The following DPM1 variants were observed in gnomAD, a reference collection of about 807,000 sequenced individuals.
The protein encoded by DPM1 is dolichyl-phosphate mannosyltransferase subunit 1, catalytic, also known as dolichol-phosphate mannosyltransferase subunit 1.
Under a neutral mutation model 39.0 loss-of-function variants are expected in DPM1, and 27 were observed. The ratio of observed to expected loss-of-function variants is 0.69; its 90% CI spans 0.51 to 0.95. The LOEUF (loss-of-function observed/expected upper bound fraction) is 0.95, where lower values mean the gene tolerates loss of function less well. DPM1 is among the 40% of genes least tolerant of loss of function. The pLI is 0.00. For synonymous variants in DPM1, 124 were observed against 109.0 expected, an observed-to-expected ratio of 1.14 and a Z score of -0.86; for missense variants, 307 against 315.6, an observed-to-expected ratio of 0.97 and a Z score of 0.21.
In DPM1 at chr20:50,940,888, T is replaced by C; in HGVS notation, c.540A>G (p.Ala180=). The part of the protein sequence containing the change: ...FLTQILLRPG[A]SDLTGSFRLY... ...ACCTGAAACTTCCTGTTAAATCAGATGCTCCTGGTCTCAGCAAGATCTGAG... is the reference window on the plus strand; with the variant it reads ...ACCTGAAACTTCCTGTTAAATCAGACGCTCCTGGTCTCAGCAAGATCTGAG... Residue 180 remains alanine, a synonymous_variant, in exon 7 of 9, where the codon GCA becomes GCG. Transcript: ENST00000371588. 4 of 1,614,040 alleles carry C rather than the reference T, an allele frequency of 2.5e-6. No individual in the cohort carries two copies. Among genetic ancestry groups the C allele is most frequent in the Non-Finnish European group, 1.7e-6 (2 of 1,179,964 alleles).
intron 5 of DPM1, 91 bp from the exon 6 acceptor site, chr20:50,942,217 G>C: frequency 1.7e-6 from 2 of 1,169,380 alleles, no homozygotes; most frequent in South Asian, 2.4e-5. Context: ...TTTAAGAGAA[G>C]TCGACACAGG....
At chr20:50,951,066 A>G (rs928688997) in intron 2 of DPM1, among the ~76,000 whole-genome samples, 2 of 152,226 alleles carry the variant, frequency 1.3e-5, no homozygotes, top group Admixed American at 6.5e-5. Context: ...AGAGATTAAC[A>G]ATACCCAATA....
rs2294903 is a variant in DPM1, at chr20:50,936,414, A to G, written c.564-152T>C. ...AGCTCGCACACTTGATGATTATGAT[A>G]CATTTGTCCTAAGCAAGAAAGGCCA... On this transcript the variant is annotated intron_variant, in intron 7 of 8. Transcript: ENST00000371588. 1,492 of 580,556 alleles carry G rather than the reference A, an allele frequency of 2.6e-3. 24 individuals are homozygous for G. In the Admixed American group the frequency reaches 0.031, roughly 12 times the overall value. The allele number at this position is 580,556 out of a possible 1,614,324, so 36.0% of individuals were successfully genotyped here. A position where few individuals can be genotyped will look rare whatever the true frequency, so the allele number is the denominator to read the frequency against.
intron 3 of DPM1, among the ~76,000 whole-genome samples, chr20:50,947,363 T>C (rs1986349274): frequency 6.6e-6 from 1 of 152,244 alleles, no homozygotes; most frequent in East Asian, 1.9e-4. Flanking sequence ...AGAGTAAGAC[T>C]GTCTCAGAAA....
chr20:50,941,227 AATATATATATAT>A (rs58694792), intron 6 of DPM1: 1,354 of 61,194 alleles, frequency 0.022, 73 homozygotes, highest in Non-Finnish European at 0.026. Flanking sequence ...AAAAAAAGTG[AATATATATATAT>A]ATATATATAT....
intron 7 of DPM1, among the ~76,000 whole-genome samples, 173 bp from the exon 8 acceptor site, chr20:50,936,435 G>C (rs990450325): frequency 6.6e-6 from 1 of 152,128 alleles, no homozygotes; most frequent in Non-Finnish European, 1.5e-5. Context: ...AAGCAAGAAA[G>C]GCCATTAAAT....
intron 5 of DPM1, 102 bp from the exon 6 acceptor site, chr20:50,942,228 C>CGTGAGCCACTGCACCCAGCCTG: frequency 9.3e-7 from 1 of 1,075,290 alleles, no homozygotes; most frequent in Non-Finnish European, 1.4e-6. Flanking sequence ...TCGACACAGG[C>CGTGAGCCACTGCACCCAGCCTG]TGGGTGCAGT....
intron 3 of DPM1, 116 bp downstream of exon 3, chr20:50,948,511 TAA>T (rs1986409420): frequency 2.0e-6 from 2 of 1,008,780 alleles, no homozygotes; most frequent in Non-Finnish European, 3.2e-6. Context: ...TTAAGATCAT[TAA>T]AAACCATCAT....
chr20:50,958,536 C>T (rs892063167), upstream of DPM1: 4 of 1,612,916 alleles, frequency 2.5e-6, no homozygotes, highest in East Asian at 2.2e-5. Context: ...CGGAACTGAG[C>T]CAGATGCCGG....
intron 8 of DPM1, among the ~76,000 whole-genome samples, chr20:50,935,560 G>A (rs372796183): frequency 2.0e-5 from 3 of 152,180 alleles, no homozygotes; most frequent in South Asian, 4.1e-4. Context: ...GGCCTTGTGC[G>A]TAGATTTTTC....
At chr20:50,948,547 T>C in intron 3 of DPM1, 82 bp downstream of exon 3, 1 of 1,314,336 alleles carries the variant, frequency 7.6e-7, no homozygotes, top group South Asian at 1.2e-5. Flanking sequence ...ATTTTGGCCC[T>C]ATTCCAAACT....
chr20:50,953,906 T>C (rs1295062732), intron 2 of DPM1, among the ~76,000 whole-genome samples: 1 of 152,228 alleles, frequency 6.6e-6, no homozygotes, highest in Non-Finnish European at 1.5e-5. Context: ...ACTGAAAGTC[T>C]CTGCTAGAAG....
chr20:50,950,687 T>C (rs995884311), intron 2 of DPM1, among the ~76,000 whole-genome samples: 1 of 152,058 alleles, frequency 6.6e-6, no homozygotes, highest in Non-Finnish European at 1.5e-5. Context: ...TTGGCCAACG[T>C]GGTGAGACCT....
At chr20:50,954,790 A>T in intron 2 of DPM1, among the ~76,000 whole-genome samples, 1 of 152,244 alleles carries the variant, frequency 6.6e-6, no homozygotes, top group East Asian at 1.9e-4. Context: ...TTCAGGCAGT[A>T]TTCTCTAATG....
At chr20:50,956,883 TG>T (rs1986851464) in intron 1 of DPM1, among the ~76,000 whole-genome samples, 1 of 152,224 alleles carries the variant, frequency 6.6e-6, no homozygotes, top group Non-Finnish European at 1.5e-5. Context: ...GGTACCAAGC[TG>T]GGCTGACTTC....
intron 2 of DPM1, among the ~76,000 whole-genome samples, chr20:50,951,508 G>A (rs1383739315): frequency 1.3e-5 from 2 of 152,224 alleles, no homozygotes; most frequent in African/African-American, 4.8e-5. Context: ...TGTTCATCAG[G>A]TCGGGCGTGG....
chr20:50,954,515 G>A (rs1221277145), intron 2 of DPM1, among the ~76,000 whole-genome samples: 2 of 152,118 alleles, frequency 1.3e-5, no homozygotes, highest in African/African-American at 2.4e-5. Flanking sequence ...AAGAGCTCGA[G>A]TATACATAAA....
In DPM1 at chr20:50,955,287, T is replaced by C. The variant is rs1010288466; in HGVS notation, c.162-2A>G. On this transcript the variant is annotated splice_acceptor_variant, in intron 1 of 8. Transcript: ENST00000371588. LOFTEE classifies it high-confidence loss of function. Reference sequence around the variant, plus strand: ...ATTATAATTTCATAGTTGATTCCACTAAAAAAATTAAATTTGTATTAATGA... The same window carrying C: ...ATTATAATTTCATAGTTGATTCCACCAAAAAAATTAAATTTGTATTAATGA... 1.9e-6 allele frequency: 3 copies of C among 1,600,028 alleles called. No homozygotes were observed. Among genetic ancestry groups the C allele is most frequent in the Non-Finnish European group, 2.6e-6 (3 of 1,168,470 alleles).
intron 2 of DPM1, among the ~76,000 whole-genome samples, chr20:50,954,783 A>G (rs931112462): frequency 9.2e-5 from 14 of 152,222 alleles, no homozygotes; most frequent in African/African-American, 3.1e-4. Context: ...TCTTAATTTC[A>G]GGCAGTATTC....
Sources: gnomAD v4.1 joint callset for allele counts (sites outside exome capture counted in the v4.1 genomes callset) on GRCh38, gnomAD v4.1.1 for gene constraint, MANE v1.5 for transcripts, NCBI Gene and HGNC (gene_info 2026-07-23, HGNC 2026-07-21) for gene names.